The following GABRG3 variants were observed in gnomAD, a reference collection of about 807,000 sequenced individuals.
GABRG3 encodes the protein gamma-aminobutyric acid receptor subunit gamma-3.
Under a neutral mutation model 48.8 loss-of-function variants are expected in GABRG3, and 25 were observed. The observed-to-expected ratio is 0.51, with a 90% CI of 0.37 to 0.72. The LOEUF (loss-of-function observed/expected upper bound fraction) is 0.72. Among genes scored for constraint, GABRG3 ranks in the 30% least tolerant of loss-of-function variants. The pLI, the probability that GABRG3 is intolerant of heterozygous loss-of-function variation, is 0.00. For missense variants in GABRG3, 394 were observed against 577.9 expected (o/e 0.68, Z 3.26); for synonymous variants, 227 against 217.6 (o/e 1.04, Z -0.38).
intron 3 of GABRG3, among the ~76,000 whole-genome samples, chr15:27,045,830 G>A (rs1896353404): frequency 6.6e-6 from 1 of 152,184 alleles, no homozygotes; most frequent in Non-Finnish European, 1.5e-5. Flanking sequence ...GAGGCAGCGT[G>A]GGCTCTGCAA....
At chr15:27,112,834 T>C (rs934233494) in intron 3 of GABRG3, among the ~76,000 whole-genome samples, 2 of 152,226 alleles carry the variant, frequency 1.3e-5, no homozygotes, top group African/African-American at 4.8e-5. Flanking sequence ...TATGAGCGAT[T>C]AACTTGCTAG....
At chr15:27,315,633 T>C (rs1035761898) in intron 3 of GABRG3, among the ~76,000 whole-genome samples, 5 of 152,374 alleles carry the variant, frequency 3.3e-5, no homozygotes, top group South Asian at 4.1e-4. Context: ...CTTCCTCTTA[T>C]GGTGACAGAC....
intron 5 of GABRG3, chr15:27,362,289 T>A (rs543849394): frequency 6.6e-6 from 1 of 152,350 alleles, no homozygotes; most frequent in South Asian, 2.1e-4. Flanking sequence ...GGAAGCTGAT[T>A]TCACTTCAGT....
At chr15:27,070,238 T>C (rs945711085) in intron 3 of GABRG3, among the ~76,000 whole-genome samples, 1 of 152,258 alleles carries the variant, frequency 6.6e-6, no homozygotes, top group African/African-American at 2.4e-5. Context: ...CAGTGCCGTA[T>C]ACAAAGAGAC....
chr15:27,378,965 AT>A (rs919931163), intron 5 of GABRG3, among the ~76,000 whole-genome samples: 1 of 152,058 alleles, frequency 6.6e-6, no homozygotes, highest in Non-Finnish European at 1.5e-5. Context: ...GTGCTCTTTT[AT>A]TTTGTCTCCC....
intron 3 of GABRG3, among the ~76,000 whole-genome samples, chr15:27,198,621 T>C (rs1292446492): frequency 1.3e-5 from 2 of 152,162 alleles, no homozygotes; most frequent in African/African-American, 2.4e-5. Context: ...AGAAATACCA[T>C]TTGACCCAGC....
At chr15:27,439,536 G>GA (rs1888719900) in intron 5 of GABRG3, among the ~76,000 whole-genome samples, 1 of 152,104 alleles carries the variant, frequency 6.6e-6, no homozygotes, top group South Asian at 2.1e-4. Context: ...TTTATGAACT[G>GA]ACATCAAAAA....
At chr15:27,503,368 G>A (rs1890688572) in intron 6 of GABRG3, among the ~76,000 whole-genome samples, 1 of 152,096 alleles carries the variant, frequency 6.6e-6, no homozygotes, top group African/African-American at 2.4e-5. Flanking sequence ...CACCACATGG[G>A]CCTCTCATTG....
chr15:27,208,489 G>A (rs1888951269), intron 3 of GABRG3: 1 of 174,830 alleles, frequency 5.7e-6, no homozygotes, highest in African/African-American at 2.4e-5. Flanking sequence ...TCTGAAGCTT[G>A]GGGATATCCT....
chr15:27,085,785 A>G (rs930351746), intron 3 of GABRG3, among the ~76,000 whole-genome samples: 13 of 152,362 alleles, frequency 8.5e-5, no homozygotes, highest in Admixed American at 3.9e-4. Context: ...TAATTTTAAA[A>G]TACAATAAAA....
intron 3 of GABRG3, among the ~76,000 whole-genome samples, chr15:27,074,213 A>C (rs1475420172): frequency 6.6e-6 from 1 of 152,124 alleles, no homozygotes; most frequent in Non-Finnish European, 1.5e-5. Context: ...CAGGGGAATT[A>C]TGGGAGTACA....
At chr15:27,168,213 C>T (rs920438869) in intron 3 of GABRG3, among the ~76,000 whole-genome samples, 3 of 151,892 alleles carry the variant, frequency 2.0e-5, no homozygotes, top group African/African-American at 4.8e-5. Flanking sequence ...CATGGGGGAG[C>T]AGCTGGAGTT....
intron 3 of GABRG3, among the ~76,000 whole-genome samples, chr15:27,135,771 G>T (rs1566944287): frequency 6.6e-6 from 1 of 152,088 alleles, no homozygotes; most frequent in Non-Finnish European, 1.5e-5. Context: ...CAGTCATGGT[G>T]GTGTGCGCCT....
At chr15:27,400,904 C>T (rs1887456926) in intron 5 of GABRG3, among the ~76,000 whole-genome samples, 2 of 152,136 alleles carry the variant, frequency 1.3e-5, no homozygotes, top group African/African-American at 4.8e-5. Flanking sequence ...ACAGAATCCA[C>T]GACGGGAGAC....
rs1482758716 is a variant in GABRG3 at position 27,447,207 on chromosome 15, A to G, written c.575-33443A>G. Among the ~76,000 whole-genome samples the G allele has an allele frequency of 6.6e-6, 1 of 152,158 alleles. No homozygotes were observed. Among genetic ancestry groups the G allele is most frequent in the South Asian group, 2.1e-4 (1 of 4,824 alleles). ...GCTTGGGAAGAAGGTTCCCATTCCA[A>G]CCAGAGACATAATTATAGGCAAAAT... On this transcript the variant is annotated intron_variant, in intron 5 of 9. Transcript: ENST00000615808. The surrounding 1 kb of genome is among the most constrained non-coding windows in gnomAD (Gnocchi z 4.0).
At chr15:27,304,402 A>AT (rs971942786) in intron 3 of GABRG3, among the ~76,000 whole-genome samples, 1 of 152,002 alleles carries the variant, frequency 6.6e-6, no homozygotes, top group African/African-American at 2.4e-5. Flanking sequence ...AGGTATATTT[A>AT]TTTTTTTAAA....
chr15:27,379,337 C>G (rs1895694121), intron 5 of GABRG3, among the ~76,000 whole-genome samples: 1 of 152,168 alleles, frequency 6.6e-6, no homozygotes, highest in African/African-American at 2.4e-5. Context: ...TACTTTACAA[C>G]AGTATTACCA....
At chr15:27,016,944 C>A (rs1375126379) in intron 2 of GABRG3, among the ~76,000 whole-genome samples, 1 of 151,942 alleles carries the variant, frequency 6.6e-6, no homozygotes, top group African/African-American at 2.4e-5. Flanking sequence ...TTGTTTGTTT[C>A]TTCTTCTTAG....
intron 3 of GABRG3, among the ~76,000 whole-genome samples, chr15:27,116,928 C>T (rs2140373838): frequency 6.6e-6 from 1 of 152,316 alleles, no homozygotes; most frequent in Middle Eastern, 3.4e-3. Flanking sequence ...TGGACTTCCC[C>T]ACCTCCAGAA....
Sources: gnomAD v4.1 joint callset for allele counts (sites outside exome capture counted in the v4.1 genomes callset) on GRCh38, gnomAD v4.1.1 for gene constraint, Gnocchi (gnomAD v3.1) non-coding constraint, MANE v1.5 for transcripts, NCBI Gene and HGNC (gene_info 2026-07-23, HGNC 2026-07-21) for gene names.